Variants in WWOX observed in about 807,000 individuals in gnomAD.
The protein encoded by WWOX is WW domain containing oxidoreductase.
In WWOX, 69 loss-of-function variants were observed where a neutral mutation model predicts 46.2. The ratio of observed to expected loss-of-function variants is 1.49; its 90% CI spans 1.23 to 1.82. The LOEUF is 1.82. Among genes scored for constraint, WWOX ranks in the 40% most tolerant of loss-of-function variants. The pLI, the probability that WWOX is intolerant of heterozygous loss-of-function variation, is 0.00. For missense variants in WWOX, 919 were observed against 542.6 expected (o/e 1.69, Z -6.89); for synonymous variants, 359 against 202.6 (o/e 1.77, Z -6.56).
intron 8 of WWOX, among the ~76,000 whole-genome samples, chr16:78,574,358 C>A (rs1328461275): frequency 3.3e-5 from 5 of 152,170 alleles, no homozygotes; most frequent in Admixed American, 1.3e-4. Context: ...GGTGTGAATA[C>A]CAGGTGGTAG....
At chr16:79,110,473 G>A (rs1316652178) in intron 8 of WWOX, among the ~76,000 whole-genome samples, 1 of 152,186 alleles carries the variant, frequency 6.6e-6, no homozygotes, top group Non-Finnish European at 1.5e-5. Context: ...CTGGAGCAGA[G>A]AACATGCTGT....
At chr16:79,058,122 AAACAAAC>A (rs1202149497) in intron 8 of WWOX, among the ~76,000 whole-genome samples, 13 of 74,328 alleles carry the variant, frequency 1.7e-4, no homozygotes, top group African/African-American at 1.1e-3. Flanking sequence ...AAAAAAAAAC[AAACAAAC>A]AAAAAAAAAA....
chr16:78,202,314 G>A (rs1344528024), intron 5 of WWOX, among the ~76,000 whole-genome samples: 1 of 152,208 alleles, frequency 6.6e-6, no homozygotes, highest in Non-Finnish European at 1.5e-5. Flanking sequence ...AAGGAATGAA[G>A]GGTGGTTCTC....
At chr16:78,767,965 T>C (rs929802080) in intron 8 of WWOX, among the ~76,000 whole-genome samples, 1 of 152,144 alleles carries the variant, frequency 6.6e-6, no homozygotes, top group African/African-American at 2.4e-5. Context: ...TGTGCTAATG[T>C]CTTCTAGTAC....
intron 8 of WWOX, among the ~76,000 whole-genome samples, chr16:78,859,289 G>T (rs558813303): frequency 6.6e-6 from 1 of 151,484 alleles, no homozygotes; most frequent in East Asian, 2.0e-4. Context: ...GGCAGGAATG[G>T]AATTGATTTT....
chr16:78,763,570 A>G (rs906542721), intron 8 of WWOX, among the ~76,000 whole-genome samples: 1 of 152,126 alleles, frequency 6.6e-6, no homozygotes, highest in South Asian at 2.1e-4. Context: ...AGGTTCTTTG[A>G]TTCTTAAGGT....
chr16:78,184,839 T>C (rs2035645778), intron 5 of WWOX, among the ~76,000 whole-genome samples: 1 of 152,154 alleles, frequency 6.6e-6, no homozygotes, highest in Non-Finnish European at 1.5e-5. Flanking sequence ...ACAATGGAAT[T>C]ATGTGTTGGG....
intron 8 of WWOX, among the ~76,000 whole-genome samples, chr16:79,037,364 A>G (rs1434399954): frequency 6.6e-6 from 1 of 152,150 alleles, no homozygotes; most frequent in Non-Finnish European, 1.5e-5. Context: ...AAGAATGGAT[A>G]TTCCTAGGGT....
intron 5 of WWOX, among the ~76,000 whole-genome samples, chr16:78,296,593 G>A (rs79703879): frequency 0.056 from 8,551 of 151,428 alleles, 459 homozygotes; most frequent in Admixed American, 0.16. Context: ...GAACAACCAT[G>A]TACAGAAATT....
Position 78,996,370 on chromosome 16 carries a change from G to GCCC in WWOX, c.1057-215237_1057-215236insCCC, listed in dbSNP as rs1335085239. On this transcript the variant is annotated intron_variant, in intron 8 of 8. Coordinates refer to ENST00000566780, the MANE Select transcript of WWOX (RefSeq NM_016373.4). ...AATAGAAAGAGTGTGAGTGAATTCT[G>GCCC]CACCCACCCCCGCCCCCCAGCTTCC... 8 of 834,510 alleles carry GCCC rather than the reference G, an allele frequency of 9.6e-6. No individual in the cohort carries two copies. In the African/African-American group the frequency reaches 1.8e-4, roughly 19 times the overall value. 51.7% of individuals were successfully genotyped at this position (834,510 alleles called of 1,614,324 possible).
At chr16:78,192,848 A>G (rs1003902381) in intron 5 of WWOX, among the ~76,000 whole-genome samples, 1 of 152,352 alleles carries the variant, frequency 6.6e-6, no homozygotes, top group African/African-American at 2.4e-5. Context: ...TAAAGCTATG[A>G]CTTGAATTTT....
intron 8 of WWOX, among the ~76,000 whole-genome samples, chr16:78,617,964 A>G (rs932746726): frequency 2.6e-5 from 4 of 152,190 alleles, no homozygotes; most frequent in Non-Finnish European, 5.9e-5. Flanking sequence ...TCTTCATTAT[A>G]TTATCATTCA....
At chr16:78,871,851 C>A (rs1477082199) in intron 8 of WWOX, among the ~76,000 whole-genome samples, 1 of 152,210 alleles carries the variant, frequency 6.6e-6, no homozygotes, top group Non-Finnish European at 1.5e-5. Context: ...GATCCGCCCA[C>A]CTTGGCCTCC....
chr16:78,803,451 C>T (rs1183347973), intron 8 of WWOX, among the ~76,000 whole-genome samples: 1 of 151,944 alleles, frequency 6.6e-6, no homozygotes, highest in Admixed American at 6.6e-5. Context: ...CAAAGGTACT[C>T]TTTTTTCTTT....
intron 8 of WWOX, among the ~76,000 whole-genome samples, chr16:78,583,074 G>T (rs1012456963): frequency 6.6e-6 from 1 of 152,364 alleles, no homozygotes; most frequent in African/African-American, 2.4e-5. Context: ...TCTCCGAGCA[G>T]AGCTCTTGAA....
At chr16:78,224,474 AT>A (rs2151800782) in intron 5 of WWOX, among the ~76,000 whole-genome samples, 1 of 152,094 alleles carries the variant, frequency 6.6e-6, no homozygotes, top group East Asian at 1.9e-4. Context: ...ATGTAATAGT[AT>A]TTCTGTGTCA....
intron 8 of WWOX, among the ~76,000 whole-genome samples, chr16:78,486,040 GAAAAC>G (rs1174677266): frequency 6.6e-6 from 1 of 152,166 alleles, no homozygotes; most frequent in Non-Finnish European, 1.5e-5. Context: ...TGTTTTATCT[GAAAAC>G]AAAATTTCCT....
At chr16:78,674,024 G>A (rs555611453) in intron 8 of WWOX, among the ~76,000 whole-genome samples, 1 of 152,124 alleles carries the variant, frequency 6.6e-6, no homozygotes, top group South Asian at 2.1e-4. Context: ...TTGAAATTTT[G>A]CCCCCAAGAC....
intron 5 of WWOX, among the ~76,000 whole-genome samples, chr16:78,324,567 T>A (rs1448794350): frequency 6.6e-6 from 1 of 152,112 alleles, no homozygotes; most frequent in Non-Finnish European, 1.5e-5. Context: ...AAATATGTTG[T>A]GGTAAATGCG....
Sources: gnomAD v4.1 joint callset for allele counts (sites outside exome capture counted in the v4.1 genomes callset) on GRCh38, gnomAD v4.1.1 for gene constraint, MANE v1.5 for transcripts, NCBI Gene and HGNC (gene_info 2026-07-23, HGNC 2026-07-21) for gene names.